Variants in CHMP7 observed in about 807,000 individuals in gnomAD.
The protein encoded by CHMP7 is CHMP family, member 7.
In CHMP7, 15 loss-of-function variants were observed where a neutral mutation model predicts 53.7. The ratio of observed to expected loss-of-function variants is 0.28; its 90% CI spans 0.19 to 0.43. The LOEUF (loss-of-function observed/expected upper bound fraction) is 0.43, where lower values mean the gene tolerates loss of function less well. CHMP7 is among the 20% of genes least tolerant of loss of function. The pLI is 1.00. For synonymous variants in CHMP7, 261 were observed against 228.0 expected (o/e 1.14, Z -1.30); for missense variants, 527 against 569.4 (o/e 0.93, Z 0.76).
In CHMP7 at chr8:23,258,401, T is replaced by G; in HGVS notation, c.912T>G (p.Thr304=). The change falls in exon 7 of 11, where the codon ACT becomes ACG. Residue 304 remains threonine, a synonymous_variant. Coordinates refer to ENST00000397677, the MANE Select transcript of CHMP7 (RefSeq NM_152272.5). The part of the protein sequence containing the change: ...RIEALHAKLD[T]VQGILDRIYA... Reference sequence around the variant, plus strand: ...AGGCCTTGCATGCCAAGCTGGACACTGTTCAAGGCATCCTGGACCGGATCT... The same window carrying G: ...AGGCCTTGCATGCCAAGCTGGACACGGTTCAAGGCATCCTGGACCGGATCT... 3 of 1,614,148 alleles carry G rather than the reference T, an allele frequency of 1.9e-6. No individual in the cohort carries two copies. The highest frequency in any genetic ancestry group is 2.5e-6 in the Non-Finnish European group (3 of 1,180,028).
intron 3 of CHMP7, among the ~76,000 whole-genome samples, chr8:23,252,942 C>T (rs755342584): frequency 9.2e-5 from 14 of 152,290 alleles, no homozygotes; most frequent in East Asian, 1.9e-4. Context: ...AATGAAAACT[C>T]GATGTCTGTG....
rs1454464400 is a variant in CHMP7 at position 23,260,199 on chromosome 8, C to G, written c.1176C>G (p.Thr392=). The change falls in exon 10 of 11, where the codon ACC becomes ACG. Residue 392 remains threonine (T), a synonymous_variant. Transcript: ENST00000397677. The part of the protein sequence containing the change: ...KELDILLQDT[T]KEPLDLPDNP... ...TGGACATCCTCCTTCAGGATACCAC[C>G]AAAGAACCTTTGGATCTGCCTGACA... 1 of 1,614,122 alleles carries G rather than the reference C, an allele frequency of 6.2e-7. No individual in the cohort carries two copies. The highest frequency in any genetic ancestry group is 1.3e-5 in the African/African-American group (1 of 75,032).
At position 23,246,330 on chromosome 8, in the gene CHMP7, G is replaced by T; in HGVS notation, c.-366G>T. ...CGGCTATTCCCCAGTTCCATTTTCT[G>T]AAGCCACAGGTCAGAAGCCGCTGTA... On this transcript the variant is annotated 5_prime_UTR_variant, in exon 2 of 11. The change abolishes the stop of an existing upstream ORF in the 5' untranslated region. Transcript: ENST00000397677. 1 of 227,520 alleles carries T rather than the reference G, an allele frequency of 4.4e-6. No homozygotes were observed. The highest frequency in any genetic ancestry group is 1.1e-4 in the East Asian group (1 of 9,454). 14.1% of individuals were successfully genotyped at this position (227,520 alleles called of 1,614,324 possible).
At chr8:23,254,898 C>T in intron 3 of CHMP7, 1 of 363,456 alleles carries the variant, frequency 2.8e-6, no homozygotes. Flanking sequence ...GGAAATCAGG[C>T]CTCAGCTCTC....
intron 2 of CHMP7, among the ~76,000 whole-genome samples, chr8:23,248,704 G>C (rs1801803592): frequency 6.6e-6 from 1 of 152,212 alleles, no homozygotes; most frequent in Non-Finnish European, 1.5e-5. Flanking sequence ...TGCTGTTACT[G>C]TTACCAGCAC....
In CHMP7 at chr8:23,258,342, C is replaced by T; in HGVS notation, c.853C>T (p.Leu285Phe). The change falls in exon 7 of 11, where the codon CTC (leucine) becomes TTC (phenylalanine). Residue 285 changes from leucine to phenylalanine, a missense_variant. Leu to Phe is a conservative substitution (Grantham distance 22). Transcript: ENST00000397677. ...TCCATGCCTCCAGGCACTGAGGTCT[C>T]TCAAGGCCAAGCAACGGACAGAGAA... Reference protein sequence around the residue: ...AGKKQLALRSLKAKQRTEKRI... With the variant: ...AGKKQLALRSFKAKQRTEKRI... 6.2e-7 allele frequency: 1 copy of T among 1,614,212 alleles called. No homozygotes were observed. Among genetic ancestry groups the T allele is most frequent in the Non-Finnish European group, 8.5e-7 (1 of 1,180,046 alleles).
intron 3 of CHMP7, among the ~76,000 whole-genome samples, chr8:23,251,747 A>G (rs1801937457): frequency 6.6e-6 from 1 of 152,206 alleles, no homozygotes; most frequent in South Asian, 2.1e-4. Context: ...TGATGCCTGC[A>G]TGATAATCTA....
At chr8:23,250,744 G>A (rs544401332) in intron 3 of CHMP7, among the ~76,000 whole-genome samples, 2 of 152,052 alleles carry the variant, frequency 1.3e-5, no homozygotes, top group East Asian at 3.9e-4. Context: ...TGACCTCAGG[G>A]CCCTTGCATA....
At chr8:23,258,578 TC>T in intron 7 of CHMP7, 129 bp downstream of exon 7, 1 of 1,392,414 alleles carries the variant, frequency 7.2e-7, no homozygotes, top group Non-Finnish European at 1.0e-6. Flanking sequence ...CCTTTGCCTT[TC>T]CAGTCAGGAG....
chr8:23,258,108 T>C (rs1241097405), intron 6 of CHMP7, 27 bp downstream of exon 6: 1 of 1,597,022 alleles, frequency 6.3e-7, no homozygotes. Flanking sequence ...TCCAGACCCA[T>C]AGCAGTGCCC....
At position 23,246,653 on chromosome 8, in the gene CHMP7, G is replaced by A. The variant is rs537986788; in HGVS notation, c.-43G>A. 5.3e-5 allele frequency: 81 copies of A among 1,516,960 alleles called. No homozygotes were observed. The African/African-American group carries it at 9.5e-4, about 18-fold the overall frequency. The allele number at this position is 1,516,960 out of a possible 1,614,324, so 94.0% of individuals were successfully genotyped here. On this transcript the variant is annotated 5_prime_UTR_variant, in exon 2 of 11. Transcript: ENST00000397677. ...AGGGAACGAGGGCGGAAGCGGACCA[G>A]GGCCAGGCTTGTGTTCGCAGCCTTG...
chr8:23,251,534 C>G (rs925211936), intron 3 of CHMP7, among the ~76,000 whole-genome samples: 19 of 152,176 alleles, frequency 1.2e-4, no homozygotes, highest in African/African-American at 4.1e-4. Flanking sequence ...CCCTGGGACC[C>G]TGGGAGCAGT....
In CHMP7 at chr8:23,246,707, G is replaced by T. The variant is rs1265392542; in HGVS notation, c.12G>T (p.Pro4=). 3 of 1,548,644 alleles carry T rather than the reference G, an allele frequency of 1.9e-6. No homozygotes were observed. Among genetic ancestry groups the T allele is most frequent in the Middle Eastern group, 2.2e-4 (1 of 4,590 alleles). ...GGGCTGGGGTTCCGATGTGGTCCCC[G>T]GAGCGGGAGGCCGAGGCCCCAGCCG... is the stretch of plus-strand genomic sequence containing the variant. MWS[P]EREAEAPAGG... is the part of the protein sequence containing the mutation. The change falls in exon 2 of 11, where the codon CCG becomes CCT. Residue 4 remains proline, a synonymous_variant. Coordinates refer to ENST00000397677, the MANE Select transcript of CHMP7 (RefSeq NM_152272.5).
chr8:23,258,223 A>G, intron 6 of CHMP7, 107 bp from the exon 7 acceptor site: 1 of 1,521,984 alleles, frequency 6.6e-7, no homozygotes, highest in Non-Finnish European at 9.1e-7. Flanking sequence ...TATTTTACAG[A>G]TGGGAGGGAA....
intron 9 of CHMP7, among the ~76,000 whole-genome samples, chr8:23,259,719 T>G (rs978097408): frequency 6.6e-6 from 1 of 152,210 alleles, no homozygotes; most frequent in Non-Finnish European, 1.5e-5. Context: ...GTGATGAGTT[T>G]GACAGTAGAT....
At position 23,249,276 on chromosome 8, in the gene CHMP7, G is replaced by T. The variant is rs1222246451; in HGVS notation, c.366G>T (p.Gly122=). The change falls in exon 3 of 11, where the codon GGG becomes GGT. Residue 122 remains glycine, a synonymous_variant. Transcript: ENST00000397677. ...ASVDSSWISW[G]VGVFLLKPLK... ...TAGACAGCAGCTGGATCTCCTGGGG[G>T]GTTGGGGTCTTCCTGCTGAAGCCTC... 4 of 1,612,990 alleles carry T rather than the reference G, an allele frequency of 2.5e-6. No homozygotes were observed. The African/African-American group carries it at 5.3e-5, about 22-fold the overall frequency.
intron 9 of CHMP7, 35 bp downstream of exon 9, chr8:23,259,161 C>CTTTTTTTTTTTTTTTTTTTTTTT (rs1491187498): frequency 4.2e-6 from 2 of 478,900 alleles, no homozygotes; most frequent in African/African-American, 2.2e-5. Flanking sequence ...TATTTTTATT[C>CTTTTTTTTTTTTTTTTTTTTTTT]ATTTTTTTTT....
chr8:23,248,672 G>T (rs908076242), intron 2 of CHMP7, among the ~76,000 whole-genome samples: 1 of 152,170 alleles, frequency 6.6e-6, no homozygotes, highest in Admixed American at 6.5e-5. Flanking sequence ...CTGGCCCGCG[G>T]CAAGCATTTA....
chr8:23,255,221 G>A lies in CHMP7; in HGVS notation c.472-26G>A, dbSNP rs189933487. 221 of 1,612,768 alleles carry A rather than the reference G, an allele frequency of 1.4e-4. 1 individual carries two copies. In the Admixed American group the frequency reaches 3.7e-3, roughly 27 times the overall value. On this transcript the variant is annotated intron_variant, in intron 3 of 10. Coordinates refer to ENST00000397677, the MANE Select transcript of CHMP7 (RefSeq NM_152272.5). The stretch of plus-strand genomic sequence containing the variant: ...CATCCCATGGCAGTGGCCAGGGCCT[G>A]TCAGCCAATGTTGCCTTTCCCACAG...
Sources: allele counts gnomAD v4.1 joint callset (sites outside exome capture counted in the v4.1 genomes callset), GRCh38; gene constraint gnomAD v4.1.1; transcripts MANE v1.5; gene names NCBI Gene and HGNC (gene_info 2026-07-23, HGNC 2026-07-21).